KCNIP3: variants seen among roughly 807,000 people sequenced by gnomAD.
KCNIP3 encodes the protein potassium voltage-gated channel interacting protein 3.
A neutral mutation model predicts 35.0 loss-of-function variants in KCNIP3; 28 were observed. The ratio of observed to expected loss-of-function variants is 0.80; its 90% CI spans 0.59 to 1.10. The LOEUF (loss-of-function observed/expected upper bound fraction) is 1.10, where lower values mean the gene tolerates loss of function less well. KCNIP3 is among the 50% of genes least tolerant of loss of function. KCNIP3 has a pLI of 0.00. For missense variants in KCNIP3, 295 were observed against 338.4 expected (o/e 0.87, Z 1.01); for synonymous variants, 134 against 133.8 (o/e 1.00, Z -0.01).
intron 2 of KCNIP3, among the ~76,000 whole-genome samples, chr2:95,369,259 A>T (rs1206307392): frequency 2.0e-5 from 3 of 152,078 alleles, no homozygotes; most frequent in Admixed American, 2.0e-4. Context: ...GTGGTGGATT[A>T]TGTTGTTTTA....
intron 5 of KCNIP3, 79 bp from the exon 6 acceptor site, chr2:95,381,517 A>T: frequency 9.6e-7 from 1 of 1,042,870 alleles, no homozygotes; most frequent in Non-Finnish European, 1.5e-6. Flanking sequence ...CGTGAATTTC[A>T]GTGGAAGCCA....
At chr2:95,374,463 G>T in intron 3 of KCNIP3, 43 bp downstream of exon 3, 1 of 1,601,214 alleles carries the variant, frequency 6.2e-7, no homozygotes, top group Non-Finnish European at 8.5e-7. Flanking sequence ...TGGAGACCCT[G>T]GCTCAGGGAG....
chr2:95,374,355 C>A lies in KCNIP3; in HGVS notation c.241C>A (p.Gln81Lys). 1 of 1,614,176 alleles carries A rather than the reference C, an allele frequency of 6.2e-7. No individual in the cohort carries two copies. Among genetic ancestry groups the A allele is most frequent in the Admixed American group, 1.7e-5 (1 of 60,028 alleles). ...GCGCCACCAGCCAGAGGGGCTGGAC[C>A]AGCTGCAGGCCCAGACCAAGTTCAC... is the stretch of plus-strand genomic sequence containing the variant. ...TVRHQPEGLD[Q>K]LQAQTKFTKK... The change falls in exon 3 of 9, where the codon CAG becomes AAG. Residue 81 changes from glutamine (Q) to lysine (K), a missense_variant. Gln to Lys is a moderately conservative substitution (Grantham distance 53). Coordinates refer to ENST00000295225, the MANE Select transcript of KCNIP3 (RefSeq NM_013434.5).
intron 2 of KCNIP3, among the ~76,000 whole-genome samples, chr2:95,323,088 A>G (rs1678637391): frequency 6.6e-6 from 1 of 152,184 alleles, no homozygotes; most frequent in East Asian, 1.9e-4. Flanking sequence ...CAAATAGAAC[A>G]TGTAGGAGGG....
chr2:95,381,706 A>G lies in KCNIP3; in HGVS notation c.555+3A>G. Reference sequence around the variant, plus strand: ...AGGATGGCTACATCACCAAAGAGGTAGTAGGGGGCTGGGGGCAGGGATTGT... The same window carrying G: ...AGGATGGCTACATCACCAAAGAGGTGGTAGGGGGCTGGGGGCAGGGATTGT... On this transcript the variant is annotated splice_donor_region_variant and intron_variant, in intron 6 of 8. Coordinates refer to ENST00000295225, the MANE Select transcript of KCNIP3 (RefSeq NM_013434.5). 6.2e-7 allele frequency: 1 copy of G among 1,600,636 alleles called. No individual in the cohort carries two copies. The highest frequency in any genetic ancestry group is 1.7e-5 in the Admixed American group (1 of 59,958).
At position 95,374,555 on chromosome 2, in the gene KCNIP3, G is replaced by A. The variant is rs1680125798; in HGVS notation, c.306+135G>A. 4 of 1,182,982 alleles carry A rather than the reference G, an allele frequency of 3.4e-6. No individual in the cohort carries two copies. The South Asian group carries it at 4.7e-5, about 14-fold the overall frequency. 73.3% of individuals were successfully genotyped at this position (1,182,982 alleles called of 1,614,324 possible). The stretch of plus-strand genomic sequence containing the variant: ...GTGTTGTGGGAAAGCTGTGTGGCGG[G>A]GGCAGGCTCCGGAATGGGCATCGCT... On this transcript the variant is annotated intron_variant, in intron 3 of 8. Coordinates refer to ENST00000295225, the MANE Select transcript of KCNIP3 (RefSeq NM_013434.5).
rs1408200555 is a variant in KCNIP3 at position 95,382,572 on chromosome 2, C to T, written c.660+91C>T. 1 of 829,072 alleles carries T rather than the reference C, an allele frequency of 1.2e-6. No homozygotes were observed. The highest frequency in any genetic ancestry group is 3.2e-4 in the Middle Eastern group (1 of 3,078). The allele number at this position is 829,072 out of a possible 1,614,324, so 51.4% of individuals were successfully genotyped here. Reference sequence around the variant, plus strand: ...GCCACCCCGGGCAAGTGGCTTGCCCCTCTGAGCCTCCCTACTCCCCATGAG... The same window carrying T: ...GCCACCCCGGGCAAGTGGCTTGCCCTTCTGAGCCTCCCTACTCCCCATGAG... On this transcript the variant is annotated intron_variant, in intron 7 of 8. Coordinates refer to ENST00000295225, the MANE Select transcript of KCNIP3 (RefSeq NM_013434.5). The surrounding 1 kb of genome is among the most constrained non-coding windows in gnomAD (Gnocchi z 4.5).
At chr2:95,325,081 C>T (rs1406911871) in intron 2 of KCNIP3, among the ~76,000 whole-genome samples, 3 of 152,110 alleles carry the variant, frequency 2.0e-5, no homozygotes, top group Admixed American at 6.5e-5. Flanking sequence ...ACAGGGACAG[C>T]GTGAGGAGGG....
intron 2 of KCNIP3, among the ~76,000 whole-genome samples, chr2:95,324,218 T>A (rs1425804561): frequency 6.6e-6 from 1 of 150,778 alleles, no homozygotes; most frequent in African/African-American, 2.5e-5. Context: ...AAGTTTTTCT[T>A]AATAACGTGA....
chr2:95,381,543 T>C, intron 5 of KCNIP3, 53 bp from the exon 6 acceptor site: 2 of 1,345,352 alleles, frequency 1.5e-6, no homozygotes, highest in Non-Finnish European at 2.1e-6. Context: ...CAACTGGAAC[T>C]AGAACCTGGG....
In KCNIP3 at chr2:95,319,181, C is replaced by T. The variant is rs561608818; in HGVS notation, c.181+8661C>T. ...AGTAGAATAACAGGGGCTTGGAGAG[C>T]GGTAGAGCAGCACAGAGTCTGCAGG... On this transcript the variant is annotated intron_variant, in intron 2 of 8. Coordinates refer to ENST00000295225, the MANE Select transcript of KCNIP3 (RefSeq NM_013434.5). Among the ~76,000 whole-genome samples the T allele has an allele frequency of 6.7e-4, 102 of 152,322 alleles. 1 individual carries two copies. The highest frequency in any genetic ancestry group is 3.4e-3 in the Middle Eastern group (1 of 294).
chr2:95,373,117 T>G (rs945409237), intron 2 of KCNIP3, among the ~76,000 whole-genome samples: 2 of 152,040 alleles, frequency 1.3e-5, no homozygotes, highest in African/African-American at 2.4e-5. Flanking sequence ...TGAGGGTGAT[T>G]ATGGATCACC....
chr2:95,375,503 C>T (rs1042991875), intron 5 of KCNIP3, among the ~76,000 whole-genome samples: 5 of 151,946 alleles, frequency 3.3e-5, no homozygotes, highest in East Asian at 1.9e-4. Context: ...AGTGACCCAG[C>T]GGGAATTTGC....
chr2:95,337,032 T>C (rs970752784), intron 2 of KCNIP3, among the ~76,000 whole-genome samples: 6 of 152,314 alleles, frequency 3.9e-5, no homozygotes, highest in African/African-American at 1.4e-4. Flanking sequence ...GATCTGTTCG[T>C]GCAGATTTTG....
chr2:95,316,314 C>T (rs897196190), intron 2 of KCNIP3, among the ~76,000 whole-genome samples: 1 of 152,236 alleles, frequency 6.6e-6, no homozygotes, highest in Non-Finnish European at 1.5e-5. Context: ...CGCCGGGCAC[C>T]GCACCTTCCT....
chr2:95,310,122 C>T, intron 1 of KCNIP3: 1 of 660,160 alleles, frequency 1.5e-6, no homozygotes, highest in Non-Finnish European at 2.8e-6. Flanking sequence ...CCCCTGTCTG[C>T]CCCTCTTCCA....
intron 1 of KCNIP3, among the ~76,000 whole-genome samples, chr2:95,299,796 C>T (rs1677975011): frequency 6.6e-6 from 1 of 152,254 alleles, no homozygotes; most frequent in Non-Finnish European, 1.5e-5. Context: ...CCCCAGGCTG[C>T]ACTGGGAAGA....
intron 2 of KCNIP3, among the ~76,000 whole-genome samples, chr2:95,332,564 C>A (rs1678958858): frequency 6.6e-6 from 1 of 152,170 alleles, no homozygotes; most frequent in Non-Finnish European, 1.5e-5. Flanking sequence ...AGGAGGTGTT[C>A]CTTAATATTA....
At chr2:95,370,469 C>A (rs1410585908) in intron 2 of KCNIP3, among the ~76,000 whole-genome samples, 2 of 152,206 alleles carry the variant, frequency 1.3e-5, no homozygotes, top group African/African-American at 2.4e-5. Context: ...TCTGGCTGAG[C>A]CAGTACTCCA....
Sources: allele counts gnomAD v4.1 joint callset (sites outside exome capture counted in the v4.1 genomes callset), GRCh38; gene constraint gnomAD v4.1.1; non-coding constraint Gnocchi (gnomAD v3.1); transcripts MANE v1.5; gene names NCBI Gene and HGNC (gene_info 2026-07-23, HGNC 2026-07-21).